ARHGEF18: variants seen among roughly 807,000 people sequenced by gnomAD.
The protein encoded by ARHGEF18 is Rho/Rac guanine nucleotide exchange factor 18.
ARHGEF18 carries 93 observed loss-of-function variants against 155.7 expected under a neutral mutation model. The observed-to-expected ratio is 0.60, with a 90% CI of 0.50 to 0.71. The LOEUF (loss-of-function observed/expected upper bound fraction) is 0.71, where lower values mean the gene tolerates loss of function less well. ARHGEF18 is among the 30% of genes least tolerant of loss of function. ARHGEF18 has a pLI of 0.00. For synonymous variants in ARHGEF18, 742 were observed against 753.1 expected, an observed-to-expected ratio of 0.99 and a Z score of 0.24; for missense variants, 1,593 against 1,816.1, an observed-to-expected ratio of 0.88 and a Z score of 2.23.
chr19:7,407,983 A>AAAAAAAAAAAAC (rs1555711562), intron 10 of ARHGEF18, among the ~76,000 whole-genome samples: 1 of 141,966 alleles, frequency 7.0e-6, no homozygotes, highest in African/African-American at 3.0e-5. Context: ...AAAAAAAAAA[A>AAAAAAAAAAAAC]AAAAGAGGTA....
chr19:7,467,343 G>A lies in ARHGEF18; in HGVS notation c.3139G>A (p.Glu1047Lys), dbSNP rs776438246. The change falls in exon 26 of 29, where the codon GAG becomes AAG. Residue 1047 changes from glutamate to lysine, a missense_variant. Transcript: ENST00000668164. ...GGAGCAGGAGCGGCAACGCAACTTC[G>A]AGAAGCAGCGGGAGGAGCGCGCGGC... ...LLEQERQRNF[E>K]KQREERAALE... The A allele has an allele frequency of 2.0e-6, 3 of 1,536,916 alleles. No individual in the cohort carries two copies. The highest frequency in any genetic ancestry group is 8.7e-7 in the Non-Finnish European group (1 of 1,146,650).
intron 10 of ARHGEF18, among the ~76,000 whole-genome samples, chr19:7,404,079 A>AT (rs1972165512): frequency 6.6e-6 from 1 of 152,020 alleles, no homozygotes; most frequent in Admixed American, 6.5e-5. Context: ...AAAAAAAAAA[A>AT]AGAGATCCTC....
At chr19:7,459,170 C>G (rs1444706430) in intron 19 of ARHGEF18, among the ~76,000 whole-genome samples, 3 of 152,066 alleles carry the variant, frequency 2.0e-5, no homozygotes, top group Non-Finnish European at 4.4e-5. Flanking sequence ...TCAGCCTCCC[C>G]GAGTAGCTGG....
intron 2 of ARHGEF18, among the ~76,000 whole-genome samples, chr19:7,371,648 C>A (rs1441793846): frequency 6.6e-6 from 1 of 152,038 alleles, no homozygotes; most frequent in African/African-American, 2.4e-5. Context: ...TTGTGAAACA[C>A]CATCTCCACT....
intron 22 of ARHGEF18, 119 bp downstream of exon 22, chr19:7,464,074 G>A: frequency 7.3e-7 from 1 of 1,371,770 alleles, no homozygotes; most frequent in Non-Finnish European, 9.6e-7. Context: ...GTCTTGCTCT[G>A]TCACCCAGGC....
At chr19:7,409,707 G>A (rs946783345) in intron 10 of ARHGEF18, among the ~76,000 whole-genome samples, 5 of 151,646 alleles carry the variant, frequency 3.3e-5, no homozygotes, top group Non-Finnish European at 7.4e-5. Flanking sequence ...CTCCCAGAGT[G>A]TTGGGATTAC....
chr19:7,475,752 C>T (rs1278009327), downstream of ARHGEF18, among the ~76,000 whole-genome samples: 1 of 152,210 alleles, frequency 6.6e-6, no homozygotes, highest in Non-Finnish European at 1.5e-5. Context: ...CACACAGAGG[C>T]GCTGCTCCAA....
chr19:7,355,726 C>T (rs1176501916), intron 1 of ARHGEF18: 3 of 985,050 alleles, frequency 3.0e-6, no homozygotes, highest in Non-Finnish European at 3.6e-6. Flanking sequence ...CAGTGACCAG[C>T]GGGAGCCATC....
intron 10 of ARHGEF18, among the ~76,000 whole-genome samples, chr19:7,417,586 A>G (rs554907004): frequency 1.3e-5 from 2 of 152,128 alleles, no homozygotes; most frequent in Non-Finnish European, 2.9e-5. Flanking sequence ...AATCCCAGCT[A>G]CTCGGGAGAC....
intron 10 of ARHGEF18, among the ~76,000 whole-genome samples, chr19:7,386,681 G>A (rs1971099333): frequency 6.6e-6 from 1 of 152,010 alleles, no homozygotes; most frequent in South Asian, 2.1e-4. Flanking sequence ...AGGTAGAAGA[G>A]GTCTGTCGGA....
At chr19:7,460,672 G>A (rs1339999203) in intron 20 of ARHGEF18, among the ~76,000 whole-genome samples, 3 of 152,142 alleles carry the variant, frequency 2.0e-5, no homozygotes, top group Non-Finnish European at 4.4e-5. Flanking sequence ...TCCTCTCGAG[G>A]TGTGGTATTA....
rs12151159 is a variant in ARHGEF18 at position 7,421,820 on chromosome 19, C to T, written c.968-18524C>T. 5.3e-3 allele frequency among the ~76,000 whole-genome samples: 805 copies of T among 152,216 alleles called. 1 individual carries two copies. The highest frequency in any genetic ancestry group is 8.4e-3 in the Non-Finnish European group (570 of 68,006). ...GATGGCCCTGACTCCACGCACGTCT[C>T]AACAGCCTTCAGGACTTCTGAGCAG... On this transcript the variant is annotated intron_variant, in intron 10 of 28. Transcript: ENST00000668164.
At chr19:7,451,102 G>A (rs113685888) in intron 15 of ARHGEF18, 47 bp from the exon 16 acceptor site, 4 of 1,388,142 alleles carry the variant, frequency 2.9e-6, no homozygotes, top group Non-Finnish European at 3.8e-6. Context: ...GGATCTTGCT[G>A]TCCGTTTCTG....
At chr19:7,414,877 C>T (rs1027545711) in intron 10 of ARHGEF18, among the ~76,000 whole-genome samples, 8 of 151,818 alleles carry the variant, frequency 5.3e-5, no homozygotes, top group Non-Finnish European at 1.2e-4. Context: ...TGCCTGTAAT[C>T]CCAGCTACTC....
At chr19:7,388,826 C>T (rs144248445) in intron 10 of ARHGEF18, among the ~76,000 whole-genome samples, 2,058 of 152,054 alleles carry the variant, frequency 0.014, 40 homozygotes, top group African/African-American at 0.047. Flanking sequence ...GGTGATCCAC[C>T]CCCCTCAGCC....
chr19:7,433,814 G>A (rs1031194783), intron 10 of ARHGEF18, among the ~76,000 whole-genome samples: 4 of 151,946 alleles, frequency 2.6e-5, no homozygotes, highest in African/African-American at 9.7e-5. Flanking sequence ...GAGGCCAGGA[G>A]TTTGAGACCA....
chr19:7,379,057 T>C, intron 6 of ARHGEF18, 65 bp from the exon 7 acceptor site: 1 of 1,218,374 alleles, frequency 8.2e-7, no homozygotes, highest in Non-Finnish European at 1.0e-6. Flanking sequence ...CCAGCTTATC[T>C]AGGGGAGAGT....
intron 13 of ARHGEF18, 139 bp downstream of exon 13, chr19:7,442,191 T>TTCTC: frequency 8.4e-7 from 1 of 1,185,146 alleles, no homozygotes; most frequent in East Asian, 2.4e-5. Flanking sequence ...CTTTCTTTCT[T>TTCTC]TCTCTCTTTC....
At chr19:7,469,479 C>T (rs1202416090) in intron 27 of ARHGEF18, among the ~76,000 whole-genome samples, 1 of 152,130 alleles carries the variant, frequency 6.6e-6, no homozygotes, top group Non-Finnish European at 1.5e-5. Flanking sequence ...TGCTCATTGT[C>T]CCAGTTCCAC....
Sources: allele counts gnomAD v4.1 joint callset (sites outside exome capture counted in the v4.1 genomes callset), GRCh38; gene constraint gnomAD v4.1.1; transcripts MANE v1.5; gene names NCBI Gene and HGNC (gene_info 2026-07-23, HGNC 2026-07-21).